WDR17: variants seen among roughly 807,000 people sequenced by gnomAD.
WDR17 encodes the protein WD repeat-containing protein 17.
WDR17 carries 143 observed loss-of-function variants against 161.7 expected under a neutral mutation model. The ratio of observed to expected loss-of-function variants is 0.88; its 90% CI spans 0.77 to 1.02. The LOEUF is 1.02. Among genes scored for constraint, WDR17 ranks in the 50% least tolerant of loss-of-function variants. The pLI is 0.00. For synonymous variants in WDR17, 517 were observed against 515.6 expected, an observed-to-expected ratio of 1.00 and a Z score of -0.04; for missense variants, 1,469 against 1,520.9, an observed-to-expected ratio of 0.97 and a Z score of 0.57.
In WDR17 at chr4:176,067,590, A is replaced by T. The variant is rs149692836; in HGVS notation, c.-7+1511A>T. Reference sequence around the variant, plus strand: ...AGTTTTAACATTCTTTATTCTTCTTATTTCTAATGATAAATAGTGGTGTTC... The same window carrying T: ...AGTTTTAACATTCTTTATTCTTCTTTTTTCTAATGATAAATAGTGGTGTTC... On this transcript the variant is annotated intron_variant, in intron 1 of 28. Coordinates refer to ENST00000508596, the MANE Select transcript of WDR17 (RefSeq NM_181265.4). Among the ~76,000 whole-genome samples, 345 of 152,306 alleles carry T rather than the reference A, an allele frequency of 2.3e-3. 1 individual carries two copies. Among genetic ancestry groups the T allele is most frequent in the African/African-American group, 7.2e-3 (301 of 41,562 alleles).
chr4:176,177,046 T>G lies in WDR17; in HGVS notation c.3450-12T>G, dbSNP rs1156741280. 6.2e-7 allele frequency: 1 copy of G among 1,604,078 alleles called. No homozygotes were observed. Among genetic ancestry groups the G allele is most frequent in the African/African-American group, 1.3e-5 (1 of 74,810 alleles). ...TTGGTATCAGATGTTAATTTCCTTT[T>G]CACACGTTCAGTCAGCTATTAAAAC... On this transcript the variant is annotated splice_polypyrimidine_tract_variant and intron_variant, in intron 26 of 28. Transcript: ENST00000508596.
chr4:176,100,487 C>T (rs1045253500), intron 1 of WDR17, among the ~76,000 whole-genome samples: 2 of 152,054 alleles, frequency 1.3e-5, no homozygotes, highest in African/African-American at 4.8e-5. Context: ...GGATATTAGT[C>T]CCCTGTTGGA....
In WDR17 at chr4:176,077,832, A is replaced by G. The variant is rs145740060; in HGVS notation, c.-7+11753A>G. Reference sequence around the variant, plus strand: ...AAGCAATTCTACATATCTCCTCATGATAATAAAATAACTTATATTATCTCT... The same window carrying G: ...AAGCAATTCTACATATCTCCTCATGGTAATAAAATAACTTATATTATCTCT... On this transcript the variant is annotated intron_variant, in intron 1 of 28. Transcript: ENST00000508596. Among the ~76,000 whole-genome samples, 675 of 152,162 alleles carry G rather than the reference A, an allele frequency of 4.4e-3. 7 individuals carry two copies. Among genetic ancestry groups the G allele is most frequent in the African/African-American group, 0.016 (654 of 41,528 alleles).
intron 1 of WDR17, among the ~76,000 whole-genome samples, chr4:176,110,900 G>T (rs1739612015): frequency 1.3e-5 from 2 of 152,206 alleles, no homozygotes; most frequent in African/African-American, 4.8e-5. Context: ...CTCTGGGGTT[G>T]TCTATTCCAA....
chr4:176,092,198 G>A (rs1197343961), intron 1 of WDR17, among the ~76,000 whole-genome samples: 1 of 152,096 alleles, frequency 6.6e-6, no homozygotes, highest in Admixed American at 6.6e-5. Flanking sequence ...AAAATATTCA[G>A]CAAAATACTA....
intron 1 of WDR17, chr4:176,096,477 G>A (rs904504101): frequency 1.3e-6 from 2 of 1,530,090 alleles, no homozygotes; most frequent in Admixed American, 3.6e-5. Context: ...TGACTATTCT[G>A]ATGCCGAGTT....
chr4:176,114,195 A>T (rs1407169808), intron 2 of WDR17, among the ~76,000 whole-genome samples: 2 of 152,080 alleles, frequency 1.3e-5, no homozygotes, highest in South Asian at 4.1e-4. Flanking sequence ...AAATTGCTGA[A>T]TAATTTAAAA....
At position 176,099,409 on chromosome 4, in the gene WDR17, T is replaced by C. The variant is rs571147854; in HGVS notation, c.-6-12166T>C. On this transcript the variant is annotated intron_variant, in intron 1 of 28. Transcript: ENST00000508596. ...ATGGTCAGGTCTGAGGGTTAAAAAC[T>C]TCACGGGAACCCAGTAATGGGGGTG... 3.3e-5 allele frequency among the ~76,000 whole-genome samples: 5 copies of C among 152,264 alleles called. No homozygotes were observed. In the East Asian group the frequency reaches 9.6e-4, roughly 29 times the overall value.
chr4:176,067,843 T>A (rs1248425456), intron 1 of WDR17, among the ~76,000 whole-genome samples: 3 of 152,076 alleles, frequency 2.0e-5, no homozygotes, highest in Non-Finnish European at 4.4e-5. Flanking sequence ...TAAGAACAGG[T>A]TTCTGTTTGT....
At chr4:176,155,960 C>T (rs1748061285) in intron 17 of WDR17, 119 bp from the exon 18 acceptor site, 1 of 883,554 alleles carries the variant, frequency 1.1e-6, no homozygotes, top group Non-Finnish European at 1.7e-6. Flanking sequence ...AATCAGGACT[C>T]AAGAACTCAA....
At chr4:176,068,924 T>A (rs1433983102) in intron 1 of WDR17, among the ~76,000 whole-genome samples, 2 of 152,186 alleles carry the variant, frequency 1.3e-5, no homozygotes, top group Admixed American at 1.3e-4. Flanking sequence ...TTACTTAAAA[T>A]GTTCACGAAG....
chr4:176,076,603 G>A (rs1734067182), intron 1 of WDR17, among the ~76,000 whole-genome samples: 1 of 151,030 alleles, frequency 6.6e-6, no homozygotes, highest in Non-Finnish European at 1.5e-5. Context: ...TTTTCACTTT[G>A]TTCTCTGAAT....
chr4:176,167,043 T>C (rs970371166), intron 22 of WDR17, among the ~76,000 whole-genome samples: 1 of 152,224 alleles, frequency 6.6e-6, no homozygotes, highest in Non-Finnish European at 1.5e-5. Context: ...AAAATGTTAC[T>C]GTCCTGATAG....
intron 20 of WDR17, among the ~76,000 whole-genome samples, chr4:176,161,590 C>G (rs1749043941): frequency 6.6e-6 from 1 of 152,006 alleles, no homozygotes; most frequent in African/African-American, 2.4e-5. Context: ...ACTTTTAAGA[C>G]ACTCATCAAG....
intron 3 of WDR17, among the ~76,000 whole-genome samples, chr4:176,117,444 G>T (rs1375071230): frequency 1.3e-5 from 2 of 151,828 alleles, no homozygotes; most frequent in Non-Finnish European, 2.9e-5. Flanking sequence ...CGATATTATT[G>T]TTCTCGTAAA....
chr4:176,131,601 G>A lies in WDR17; in HGVS notation c.961G>A (p.Glu321Lys), dbSNP rs370197137. Residue 321 changes from glutamate to lysine, a missense_variant, in exon 7 of 29, where the codon GAA (glutamate) becomes AAA (lysine). By Grantham distance (56) the Glu-to-Lys change is moderately conservative. Transcript: ENST00000508596. Reference protein sequence around the residue: ...TKNHYTSSTSEAVPPPTLTQN... With the variant: ...TKNHYTSSTSKAVPPPTLTQN... ...AAATCATTATACATCCTCAACAAGCGAAGCAGTTCCACCCCCAACTTTAAC... is the reference window on the plus strand; with the variant it reads ...AAATCATTATACATCCTCAACAAGCAAAGCAGTTCCACCCCCAACTTTAAC... 32 of 1,612,000 alleles carry A rather than the reference G, an allele frequency of 2.0e-5. No individual in the cohort carries two copies. Among genetic ancestry groups the A allele is most frequent in the Middle Eastern group, 1.7e-4 (1 of 6,050 alleles).
Position 176,115,853 on chromosome 4 carries a change from A to G in WDR17, c.181A>G (p.Thr61Ala), listed in dbSNP as rs1309052970. Residue 61 changes from threonine to alanine, a missense_variant, in exon 3 of 29, where the codon ACA (threonine) becomes GCA (alanine). Physicochemically the swap from Thr to Ala is moderately conservative, Grantham distance 58. Transcript: ENST00000508596. The part of the protein sequence containing the change: ...LHAIMSEHKK[T>A]ITAISWCPHN... ...CGCAATTATGTCTGAACATAAAAAA[A>G]CAATCACAGCAATTTCTTGGTGTCC... 7 of 1,611,676 alleles carry G rather than the reference A, an allele frequency of 4.3e-6. No homozygotes were observed. Among genetic ancestry groups the G allele is most frequent in the Non-Finnish European group, 5.1e-6 (6 of 1,178,498 alleles).
At chr4:176,148,495 C>T (rs1334941022) in intron 13 of WDR17, among the ~76,000 whole-genome samples, 160 bp downstream of exon 13, 1 of 151,980 alleles carries the variant, frequency 6.6e-6, no homozygotes, top group Non-Finnish European at 1.5e-5. Flanking sequence ...ATTATAATAC[C>T]AGAATGTGCA....
chr4:176,104,854 G>T (rs1738441877), intron 1 of WDR17, among the ~76,000 whole-genome samples: 1 of 151,974 alleles, frequency 6.6e-6, no homozygotes, highest in Admixed American at 6.6e-5. Flanking sequence ...TATTGGAAAT[G>T]AATAGCAAAA....
Sources: gnomAD v4.1 joint callset for allele counts (sites outside exome capture counted in the v4.1 genomes callset) on GRCh38, gnomAD v4.1.1 for gene constraint, MANE v1.5 for transcripts, NCBI Gene and HGNC (gene_info 2026-07-23, HGNC 2026-07-21) for gene names.